CHD4: variants seen among roughly 807,000 people sequenced by gnomAD.
CHD4 encodes the protein chromodomain helicase DNA binding protein 4.
A neutral mutation model predicts 235.5 loss-of-function variants in CHD4; 35 were observed. The observed-to-expected ratio is 0.15, with a 90% CI of 0.11 to 0.20. CHD4 has a LOEUF of 0.20. Ranked by LOEUF, CHD4 falls within the 10% of genes least tolerant of loss-of-function variation. The pLI is 1.00. For missense variants in CHD4, 1,329 were observed against 2,432.3 expected (o/e 0.55, Z 9.54); for synonymous variants, 900 against 850.2 (o/e 1.06, Z -1.02).
rs771203360 is a variant in CHD4, at chr12:6,587,471, C to A, written c.3792G>T (p.Glu1264Asp). The change falls in exon 25 of 40, where the codon GAG becomes GAT. Residue 1264 changes from glutamate to aspartate, a missense_variant. Around this residue, in one of 26 missense-constraint regions of CHD4, gnomAD observed 21 missense variants for 53.5 expected, o/e 0.39. Coordinates refer to ENST00000544040, the MANE Select transcript of CHD4 (RefSeq NM_001273.5). ...TGCCCTGCAATTCTGTGTCTTCAGT[C>A]TCATCCTGGTTACGGTCTAGCAGCC... The part of the protein sequence containing the change: ...IERLLDRNQD[E>D]TEDTELQGMN... The A allele has an allele frequency of 1.2e-6, 2 of 1,614,198 alleles. No individual in the cohort carries two copies. The highest frequency in any genetic ancestry group is 1.7e-6 in the Non-Finnish European group (2 of 1,180,046).
chr12:6,570,608 A>G lies in CHD4; in HGVS notation c.*68T>C. 6.3e-7 allele frequency: 1 copy of G among 1,592,584 alleles called. No individual in the cohort carries two copies. The highest frequency in any genetic ancestry group is 2.2e-5 in the East Asian group (1 of 44,790). The stretch of plus-strand genomic sequence containing the variant: ...TGAGGGTCTCTCAGGCCCCCAGGGG[A>G]GAAGCTGGGACAAGAGAAAGTGAGG... On this transcript the variant is annotated 3_prime_UTR_variant, in exon 40 of 40. Coordinates refer to ENST00000544040, the MANE Select transcript of CHD4 (RefSeq NM_001273.5).
chr12:6,593,569 G>A lies in CHD4; in HGVS notation c.2361C>T (p.Ile787=). The part of the protein sequence containing the change: ...PFLVSAPLST[I]INWEREFEMW... ...TTTCAAACTCCCGCTCCCAGTTGAT[G>A]ATGGTAGAAAGAGGGGCGCTCACTA... Residue 787 remains isoleucine (I), a synonymous_variant, in exon 16 of 40, where the codon ATC becomes ATT. Transcript: ENST00000544040. This position sits in a 1 kb window ranked among gnomAD's most constrained non-coding sequence, Gnocchi z 4.9. The A allele has an allele frequency of 6.2e-7, 1 of 1,614,162 alleles. No homozygotes were observed. Among genetic ancestry groups the A allele is most frequent in the South Asian group, 1.1e-5 (1 of 91,082 alleles).
At chr12:6,576,567 A>G (rs1298003968) in intron 37 of CHD4, among the ~76,000 whole-genome samples, 2 of 152,070 alleles carry the variant, frequency 1.3e-5, no homozygotes, top group Non-Finnish European at 2.9e-5. Flanking sequence ...AGCTCTTTTA[A>G]ATGCTGAGAT....
intron 25 of CHD4, chr12:6,586,809 T>C (rs1328621974): frequency 1.3e-5 from 2 of 152,282 alleles, no homozygotes; most frequent in Admixed American, 1.3e-4. Context: ...GCAATTCTCC[T>C]GCCTCAGCCT....
At chr12:6,578,281 C>A in intron 35 of CHD4, 128 bp downstream of exon 35, 1 of 1,381,180 alleles carries the variant, frequency 7.2e-7, no homozygotes, top group Non-Finnish European at 1.0e-6. Flanking sequence ...CCACAGAACC[C>A]ACTATCAGTT....
chr12:6,600,010 C>A lies in CHD4; in HGVS notation c.1245G>T (p.Glu415Asp). The change falls in exon 10 of 40, where the codon GAG (glutamate) becomes GAT (aspartate). Residue 415 changes from glutamate (E) to aspartate (D), a missense_variant and splice_region_variant. Transcript: ENST00000544040. Reference protein sequence around the residue: ...PEGKWSCPHCEKEGIQWEAKE... With the variant: ...PEGKWSCPHCDKEGIQWEAKE... Reference sequence around the variant, plus strand: ...TAGCTTCCCACTGGATGCCTTCCTTCTCCTGCAGTAAAGGACCACAGATTC... The same window carrying A: ...TAGCTTCCCACTGGATGCCTTCCTTATCCTGCAGTAAAGGACCACAGATTC... 6.2e-7 allele frequency: 1 copy of A among 1,614,114 alleles called. No individual in the cohort carries two copies. Among genetic ancestry groups the A allele is most frequent in the African/African-American group, 1.3e-5 (1 of 75,068 alleles).
At chr12:6,595,968 A>G in intron 13 of CHD4, 38 bp downstream of exon 13, 5 of 1,574,004 alleles carry the variant, frequency 3.2e-6, no homozygotes, top group Non-Finnish European at 4.3e-6. Context: ...AAAAAAAAAA[A>G]AAAGAAACAA....
At chr12:6,596,359 TAG>T (rs1368792400) in intron 12 of CHD4, among the ~76,000 whole-genome samples, 1 of 152,060 alleles carries the variant, frequency 6.6e-6, no homozygotes, top group Non-Finnish European at 1.5e-5. Context: ...ATAATTAACA[TAG>T]AGTGTTGGCC....
At chr12:6,571,151 T>C in intron 38 of CHD4, 119 bp from the exon 39 acceptor site, 1 of 1,203,702 alleles carries the variant, frequency 8.3e-7, no homozygotes, top group Non-Finnish European at 1.2e-6. Flanking sequence ...TATTGTCTTC[T>C]GTCATCTGAC....
At chr12:6,581,455 C>A (rs776901924) in intron 31 of CHD4, 67 bp from the exon 32 acceptor site, 12 of 1,559,558 alleles carry the variant, frequency 7.7e-6, no homozygotes, top group Admixed American at 3.3e-5. Context: ...TCATTTCTTC[C>A]CAGTTTGTCT....
At chr12:6,573,418 G>C in intron 37 of CHD4, 149 bp from the exon 38 acceptor site, 1 of 505,568 alleles carries the variant, frequency 2.0e-6, no homozygotes, top group Non-Finnish European at 3.2e-6. Flanking sequence ...CACCCAAGTA[G>C]TTTAACTTTG....
Position 6,592,736 on chromosome 12 carries a change from A to G in CHD4, c.2734T>C (p.Leu912=), listed in dbSNP as rs142502385. The change falls in exon 18 of 40, where the codon TTG becomes CTG. Residue 912 remains leucine, a synonymous_variant. Transcript: ENST00000544040. ...GTGAGAAAGTTGAGCAGATGAAACA[A>G]CTCTTCCAGATTGTTTTGTAATGGT... ...GTPLQNNLEE[L]FHLLNFLTPE... is the part of the protein sequence containing the mutation. 139 of 1,614,038 alleles carry G rather than the reference A, an allele frequency of 8.6e-5. 1 individual carries two copies. The highest frequency in any genetic ancestry group is 1.6e-4 in the Middle Eastern group (1 of 6,062).
At chr12:6,589,437 G>C (rs959045282) in intron 22 of CHD4, among the ~76,000 whole-genome samples, 12 of 152,184 alleles carry the variant, frequency 7.9e-5, no homozygotes, top group Non-Finnish European at 1.6e-4. Context: ...GGGGACATAT[G>C]AACATCATGT....
At chr12:6,592,326 G>T in intron 19 of CHD4, 67 bp downstream of exon 19, 1 of 1,512,280 alleles carries the variant, frequency 6.6e-7, no homozygotes. Flanking sequence ...AGTGGGGGAG[G>T]AATAGGAAAC....
At chr12:6,586,911 TG>T (rs1171222898) in intron 25 of CHD4, 1 of 153,240 alleles carries the variant, frequency 6.5e-6, no homozygotes, top group African/African-American at 2.4e-5. Flanking sequence ...TTGGCCGGGC[TG>T]GTCTCAAACT....
chr12:6,581,861 C>A (rs1419394150), intron 30 of CHD4, 47 bp from the exon 31 acceptor site: 3 of 1,494,880 alleles, frequency 2.0e-6, no homozygotes, highest in Non-Finnish European at 2.7e-6. Flanking sequence ...CAGCTACAGG[C>A]TCCTTTCCTA....
Position 6,600,971 on chromosome 12 carries a change from C to G in CHD4, c.882G>C (p.Leu294=). Residue 294 remains leucine (L), a synonymous_variant, in exon 7 of 40, where the codon CTG becomes CTC. Coordinates refer to ENST00000544040, the MANE Select transcript of CHD4 (RefSeq NM_001273.5). ...KKPKPKKVAP[L]KIKLGGFGSK... Reference sequence around the variant, plus strand: ...AACCAAAACCTCCCAGCTTGATTTTCAGGGGAGCTACTTTCTTGGGTTTAG... The same window carrying G: ...AACCAAAACCTCCCAGCTTGATTTTGAGGGGAGCTACTTTCTTGGGTTTAG... 1 of 1,608,738 alleles carries G rather than the reference C, an allele frequency of 6.2e-7. No individual in the cohort carries two copies. Among genetic ancestry groups the G allele is most frequent in the Non-Finnish European group, 8.5e-7 (1 of 1,178,118 alleles).
chr12:6,592,905 T>G (rs1222115639), intron 17 of CHD4, 88 bp from the exon 18 acceptor site: 1 of 1,538,164 alleles, frequency 6.5e-7, no homozygotes, highest in Non-Finnish European at 8.8e-7. Context: ...CACTGCCCAA[T>G]AGTTAAGCAT....
At chr12:6,607,029 G>C (rs1420228741) in intron 1 of CHD4, 2 of 148,012 alleles carry the variant, frequency 1.4e-5, no homozygotes, top group African/African-American at 2.5e-5. Context: ...GGGGGCAAGT[G>C]ATCAAAGGGC....
Sources: gnomAD v4.1 joint callset for allele counts (sites outside exome capture counted in the v4.1 genomes callset) on GRCh38, gnomAD v4.1.1 for gene constraint, gnomAD v4.1.1 regional missense constraint, Gnocchi (gnomAD v3.1) non-coding constraint, MANE v1.5 for transcripts, NCBI Gene and HGNC (gene_info 2026-07-23, HGNC 2026-07-21) for gene names.